The following WWOX variants were observed in gnomAD, a reference collection of about 807,000 sequenced individuals.
WWOX encodes the protein WW domain-containing oxidoreductase.
WWOX carries 69 observed loss-of-function variants against 46.2 expected under a neutral mutation model. The ratio of observed to expected loss-of-function variants is 1.49; its 90% CI spans 1.23 to 1.82. The LOEUF (loss-of-function observed/expected upper bound fraction) is 1.82, where lower values mean the gene tolerates loss of function less well. Ranked by LOEUF, WWOX falls within the 40% of genes most tolerant of loss-of-function variation. The pLI, the probability that WWOX is intolerant of heterozygous loss-of-function variation, is 0.00. For synonymous variants in WWOX, 359 were observed against 202.6 expected, an observed-to-expected ratio of 1.77 and a Z score of -6.56; for missense variants, 919 against 542.6, an observed-to-expected ratio of 1.69 and a Z score of -6.89.
intron 8 of WWOX, among the ~76,000 whole-genome samples, chr16:78,438,940 G>A (rs1011726663): frequency 5.3e-5 from 8 of 152,130 alleles, no homozygotes; most frequent in East Asian, 1.9e-4. Context: ...TGAATAACCC[G>A]CTGCAGGGTG....
At position 79,002,894 on chromosome 16, in the gene WWOX, G is replaced by T. The variant is rs2151365664; in HGVS notation, c.1057-208714G>T. ...CTCCATGATGAAACATGTCAAGGGA[G>T]ACTGCCTGTACTCCGTAATGCAGAA... On this transcript the variant is annotated intron_variant, in intron 8 of 8. Coordinates refer to ENST00000566780, the MANE Select transcript of WWOX (RefSeq NM_016373.4). 2.6e-5 allele frequency among the ~76,000 whole-genome samples: 4 copies of T among 152,326 alleles called. 2 individuals are homozygous for T. Among genetic ancestry groups the T allele is most frequent in the Admixed American group, 2.6e-4 (4 of 15,310 alleles).
chr16:78,555,762 A>G (rs2044278968), intron 8 of WWOX, among the ~76,000 whole-genome samples: 2 of 152,046 alleles, frequency 1.3e-5, no homozygotes, highest in South Asian at 4.2e-4. Flanking sequence ...AAGGAGTGCA[A>G]AAGAAGCCTC....
chr16:78,499,396 A>G (rs1567607997), intron 8 of WWOX, among the ~76,000 whole-genome samples: 1 of 152,138 alleles, frequency 6.6e-6, no homozygotes, highest in African/African-American at 2.4e-5. Flanking sequence ...TGATAGTCTC[A>G]TAGTCTTATT....
chr16:78,698,902 G>A (rs559404273), intron 8 of WWOX, among the ~76,000 whole-genome samples: 29 of 152,214 alleles, frequency 1.9e-4, no homozygotes, highest in African/African-American at 7.0e-4. Flanking sequence ...TTTTATAAAT[G>A]TAGTATTTCA....
intron 8 of WWOX, chr16:79,078,134 T>TA (rs2048694984): frequency 6.6e-6 from 1 of 152,160 alleles, no homozygotes; most frequent in Non-Finnish European, 1.5e-5. Context: ...CTCTAGGACA[T>TA]AAAACTTGGG....
At chr16:78,699,271 C>T (rs1034511958) in intron 8 of WWOX, among the ~76,000 whole-genome samples, 3 of 152,062 alleles carry the variant, frequency 2.0e-5, no homozygotes, top group Non-Finnish European at 4.4e-5. Flanking sequence ...TGATGGCTCA[C>T]GCCTGTGATC....
At chr16:78,926,713 G>T (rs1218122513) in intron 8 of WWOX, among the ~76,000 whole-genome samples, 1 of 152,182 alleles carries the variant, frequency 6.6e-6, no homozygotes, top group Non-Finnish European at 1.5e-5. Context: ...GCTTTTGAAA[G>T]ACTTGATGGA....
intron 8 of WWOX, among the ~76,000 whole-genome samples, chr16:78,442,647 C>T (rs927038061): frequency 6.6e-6 from 1 of 152,168 alleles, no homozygotes; most frequent in African/African-American, 2.4e-5. Flanking sequence ...CTGTGTCTGT[C>T]ATAGAAGGCC....
intron 4 of WWOX, among the ~76,000 whole-genome samples, chr16:78,124,522 A>T (rs1365712863): frequency 6.6e-6 from 1 of 152,138 alleles, no homozygotes; most frequent in Non-Finnish European, 1.5e-5. Flanking sequence ...TCTTGGAAAG[A>T]TGTCTTAAAT....
chr16:78,291,941 C>A (rs921091126), intron 5 of WWOX, among the ~76,000 whole-genome samples: 1 of 151,938 alleles, frequency 6.6e-6, no homozygotes, highest in Admixed American at 6.6e-5. Flanking sequence ...TCTGGGAATC[C>A]CAGATTGATC....
intron 5 of WWOX, among the ~76,000 whole-genome samples, chr16:78,190,777 C>T (rs1052890491): frequency 6.6e-5 from 10 of 152,274 alleles, no homozygotes; most frequent in South Asian, 2.1e-4. Flanking sequence ...TTGGAGATGA[C>T]GCTGCATACT....
intron 5 of WWOX, among the ~76,000 whole-genome samples, chr16:78,382,695 T>C (rs2081980278): frequency 6.6e-6 from 1 of 152,170 alleles, no homozygotes; most frequent in Admixed American, 6.5e-5. Context: ...TAACACTTCT[T>C]AATGAAAGTC....
At chr16:78,258,707 CAAAAAAAAAAA>C (rs11396946) in intron 5 of WWOX, among the ~76,000 whole-genome samples, 1 of 69,588 alleles carries the variant, frequency 1.4e-5, no homozygotes, top group Admixed American at 1.9e-4. Context: ...TTCCTCCCTC[CAAAAAAAAAAA>C]AAAAAAAAAA....
At chr16:78,553,883 G>A (rs1023948551) in intron 8 of WWOX, among the ~76,000 whole-genome samples, 3 of 152,060 alleles carry the variant, frequency 2.0e-5, no homozygotes, top group African/African-American at 4.8e-5. Flanking sequence ...AGGTTGGAAC[G>A]TGGGAGTTTA....
At chr16:78,649,585 G>T (rs556891862) in intron 8 of WWOX, among the ~76,000 whole-genome samples, 1 of 152,138 alleles carries the variant, frequency 6.6e-6, no homozygotes, top group African/African-American at 2.4e-5. Flanking sequence ...CTCTTCCCCC[G>T]TTTGTTAATA....
At chr16:78,773,120 G>T (rs1215472721) in intron 8 of WWOX, among the ~76,000 whole-genome samples, 1 of 152,220 alleles carries the variant, frequency 6.6e-6, no homozygotes, top group African/African-American at 2.4e-5. Flanking sequence ...TGGCTAGATT[G>T]TAAGCTTCAT....
intron 8 of WWOX, among the ~76,000 whole-genome samples, chr16:78,840,927 C>T (rs1403077082): frequency 1.3e-5 from 2 of 151,984 alleles, no homozygotes; most frequent in Non-Finnish European, 2.9e-5. Context: ...AATAGTAGGA[C>T]TATTGCCAGT....
chr16:78,496,398 T>A (rs897009345), intron 8 of WWOX: 3 of 152,252 alleles, frequency 2.0e-5, no homozygotes, highest in African/African-American at 7.2e-5. Context: ...CTTGTCGTGT[T>A]GACCTTATTG....
At chr16:78,216,054 A>G (rs942384234) in intron 5 of WWOX, among the ~76,000 whole-genome samples, 2 of 152,202 alleles carry the variant, frequency 1.3e-5, no homozygotes, top group Admixed American at 6.5e-5. Flanking sequence ...AGAGACACAA[A>G]CACATCGCTA....
Sources: allele counts gnomAD v4.1 joint callset (sites outside exome capture counted in the v4.1 genomes callset), GRCh38; gene constraint gnomAD v4.1.1; transcripts MANE v1.5; gene names NCBI Gene and HGNC (gene_info 2026-07-23, HGNC 2026-07-21).